PC: variants seen among roughly 807,000 people sequenced by gnomAD.
The protein encoded by PC is pyruvate carboxylase.
Under a neutral mutation model 107.8 loss-of-function variants are expected in PC, and 46 were observed. The observed-to-expected ratio is 0.43, with a 90% CI of 0.34 to 0.55. PC has a LOEUF of 0.55. Among genes scored for constraint, PC ranks in the 20% least tolerant of loss-of-function variants. The pLI is 0.04. For missense variants in PC, 1,241 were observed against 1,643.1 expected (o/e 0.76, Z 4.23); for synonymous variants, 662 against 684.7 (o/e 0.97, Z 0.52).
chr11:66,895,938 C>A (rs1947744499), intron 3 of PC, among the ~76,000 whole-genome samples: 1 of 152,082 alleles, frequency 6.6e-6, no homozygotes, highest in African/African-American at 2.4e-5. Flanking sequence ...TGTAAGCTTT[C>A]CCAAAGGAGG....
intron 3 of PC, among the ~76,000 whole-genome samples, chr11:66,889,902 A>ATT (rs146414596): frequency 0.24 from 36,325 of 151,570 alleles, 4,373 homozygotes; most frequent in Middle Eastern, 0.33. Context: ...TTCATAAATG[A>ATT]TATAATCATT....
intron 3 of PC, among the ~76,000 whole-genome samples, chr11:66,929,215 G>A (rs1335104187): frequency 6.6e-6 from 1 of 152,146 alleles, no homozygotes; most frequent in South Asian, 2.1e-4. Context: ...CCCAGGCATA[G>A]TACTAAAATT....
chr11:66,948,821 C>G (rs79540988), intron 3 of PC, among the ~76,000 whole-genome samples: 5,552 of 151,992 alleles, frequency 0.037, 234 homozygotes, highest in East Asian at 0.097. Flanking sequence ...GCCTGAGTGA[C>G]AGAATCAGAC....
chr11:66,953,480 A>G (rs1478997643), intron 2 of PC, among the ~76,000 whole-genome samples: 1 of 152,170 alleles, frequency 6.6e-6, no homozygotes, highest in Non-Finnish European at 1.5e-5. Flanking sequence ...GTATTGTGTA[A>G]TCACTTTTCG....
At chr11:66,860,366 G>T (rs1258304278) in intron 12 of PC, 1 of 999,374 alleles carries the variant, frequency 1.0e-6, no homozygotes, top group South Asian at 1.4e-5. Flanking sequence ...CTCCAGACCA[G>T]GGTAAGGGCA....
At chr11:66,861,636 C>T (rs115525378) in intron 12 of PC, among the ~76,000 whole-genome samples, 1,292 of 117,256 alleles carry the variant, frequency 0.011, 20 homozygotes, top group African/African-American at 0.038. Context: ...TGGGCGGGGG[C>T]GCGGGACAGG....
chr11:66,896,039 C>T (rs1234442350), intron 3 of PC, among the ~76,000 whole-genome samples: 1 of 152,126 alleles, frequency 6.6e-6, no homozygotes, highest in Admixed American at 6.5e-5. Flanking sequence ...CAAAGCAATC[C>T]TTCAAACTTG....
intron 12 of PC, chr11:66,859,891 T>C: frequency 6.4e-7 from 1 of 1,572,282 alleles, no homozygotes; most frequent in South Asian, 1.2e-5. Flanking sequence ...GTCTTCACTG[T>C]GGCCTTGCTG....
chr11:66,922,488 C>A (rs778831280), intron 3 of PC, among the ~76,000 whole-genome samples: 3 of 146,796 alleles, frequency 2.0e-5, no homozygotes, highest in Admixed American at 7.0e-5. Context: ...GCAGGAGAAT[C>A]GCTTGAACCC....
intron 12 of PC, among the ~76,000 whole-genome samples, chr11:66,853,908 G>C (rs779722274): frequency 8.5e-5 from 13 of 152,226 alleles, no homozygotes; most frequent in African/African-American, 3.1e-4. Context: ...GCCCCGTCCC[G>C]GGGCTGTGGC....
At chr11:66,873,150 G>C (rs1946807441) in intron 3 of PC, among the ~76,000 whole-genome samples, 1 of 148,370 alleles carries the variant, frequency 6.7e-6, no homozygotes, top group South Asian at 2.1e-4. Context: ...AACCCACCTG[G>C]GCAACATGGT....
chr11:66,866,059 A>T lies in PC; in HGVS notation c.1185+128T>A, dbSNP rs1946478420. 1 of 1,053,008 alleles carries T rather than the reference A, an allele frequency of 9.5e-7. No individual in the cohort carries two copies. Among genetic ancestry groups the T allele is most frequent in the Non-Finnish European group, 1.4e-6 (1 of 717,570 alleles). The allele number at this position is 1,053,008 out of a possible 1,614,324, so 65.2% of individuals were successfully genotyped here. A position where few individuals can be genotyped will look rare whatever the true frequency, so the allele number is the denominator to read the frequency against. On this transcript the variant is annotated intron_variant, in intron 11 of 22. Transcript: ENST00000393960. The surrounding 1 kb of genome is among the most constrained non-coding windows in gnomAD (Gnocchi z 5.4). ...GCCTGCCTCCGTGTACTCTATGTCC[A>T]CTTCAGAGCCCACATGCGGGTCCTC... is the stretch of plus-strand genomic sequence containing the variant.
rs1945534124 is a variant in PC at position 66,852,089 on chromosome 11, C to T, written c.1826-143G>A. The T allele has an allele frequency of 2.3e-6, 2 of 853,438 alleles. No individual in the cohort carries two copies. The highest frequency in any genetic ancestry group is 2.7e-5 in the East Asian group (1 of 37,644). The allele number at this position is 853,438 out of a possible 1,614,324, so 52.9% of individuals were successfully genotyped here. ...GCCATACCTGTGTTCCCTGCTCCAACCCCCACAGATTTTTCCCTTGTCTGA... is the reference window on the plus strand; with the variant it reads ...GCCATACCTGTGTTCCCTGCTCCAATCCCCACAGATTTTTCCCTTGTCTGA... On this transcript the variant is annotated intron_variant, in intron 15 of 22. Coordinates refer to ENST00000393960, the MANE Select transcript of PC (RefSeq NM_001040716.2). The surrounding 1 kb of genome is among the most constrained non-coding windows in gnomAD (Gnocchi z 4.7).
chr11:66,872,492 T>A (rs2135945731), intron 3 of PC, among the ~76,000 whole-genome samples: 1 of 151,996 alleles, frequency 6.6e-6, no homozygotes, highest in South Asian at 2.1e-4. Flanking sequence ...GTACCCAGCA[T>A]AATATGCACT....
In PC at chr11:66,857,663, G is replaced by A; in HGVS notation, c.1369-4280C>T. 1 of 1,432,182 alleles carries A rather than the reference G, an allele frequency of 7.0e-7. No individual in the cohort carries two copies. Among genetic ancestry groups the A allele is most frequent in the Non-Finnish European group, 9.3e-7 (1 of 1,080,162 alleles). 88.7% of individuals were successfully genotyped at this position (1,432,182 alleles called of 1,614,324 possible). A position where few individuals can be genotyped will look rare whatever the true frequency, so the allele number is the denominator to read the frequency against. On this transcript the variant is annotated intron_variant, in intron 12 of 22. Coordinates refer to ENST00000393960, the MANE Select transcript of PC (RefSeq NM_001040716.2). The surrounding 1 kb of genome is among the most constrained non-coding windows in gnomAD (Gnocchi z 7.1). ...GCCAGGCTCACAGAAGCTGGCTTCT[G>A]GGACTGTCCTGGGCCCAAGTGGGCA...
intron 3 of PC, among the ~76,000 whole-genome samples, chr11:66,916,579 C>T (rs573907624): frequency 6.6e-6 from 1 of 152,234 alleles, no homozygotes; most frequent in African/African-American, 2.4e-5. Context: ...GAGCAGTGAT[C>T]CAAGAAGGCA....
chr11:66,874,483 A>G (rs117934119), intron 3 of PC, among the ~76,000 whole-genome samples: 3,427 of 152,350 alleles, frequency 0.022, 85 homozygotes, highest in Non-Finnish European at 0.029. Flanking sequence ...AATGAAACAA[A>G]TATTGCAAAA....
chr11:66,892,707 C>T (rs146228586), intron 3 of PC, among the ~76,000 whole-genome samples: 1 of 152,044 alleles, frequency 6.6e-6, no homozygotes, highest in Non-Finnish European at 1.5e-5. Context: ...ATTAGCCAGG[C>T]ACGGTGGCGG....
chr11:66,885,175 C>CTAGG (rs989924135), intron 3 of PC, among the ~76,000 whole-genome samples: 53 of 152,340 alleles, frequency 3.5e-4, no homozygotes, highest in African/African-American at 1.3e-3. Flanking sequence ...GTCCTAACCC[C>CTAGG]TAGCACCTAG....
Sources: gnomAD v4.1 joint callset for allele counts (sites outside exome capture counted in the v4.1 genomes callset) on GRCh38, gnomAD v4.1.1 for gene constraint, Gnocchi (gnomAD v3.1) non-coding constraint, MANE v1.5 for transcripts, NCBI Gene and HGNC (gene_info 2026-07-23, HGNC 2026-07-21) for gene names.